The following UBE2G2 variants were observed in gnomAD, a reference collection of about 807,000 sequenced individuals.
UBE2G2 encodes the protein ubiquitin-conjugating enzyme E2 G2.
UBE2G2 carries 10 observed loss-of-function variants against 23.0 expected under a neutral mutation model. That is an observed-to-expected ratio of 0.43 (90% CI 0.27 to 0.74). The LOEUF (loss-of-function observed/expected upper bound fraction) is 0.74. UBE2G2 is among the 30% of genes least tolerant of loss of function. The pLI, the probability that UBE2G2 is intolerant of heterozygous loss-of-function variation, is 0.19. For missense variants in UBE2G2, 150 were observed against 218.3 expected, an observed-to-expected ratio of 0.69 and a Z score of 1.97; for synonymous variants, 86 against 81.3, an observed-to-expected ratio of 1.06 and a Z score of -0.31.
intron 4 of UBE2G2, chr21:44,775,004 C>A (rs1356294735): frequency 4.5e-5 from 13 of 291,434 alleles, no homozygotes; most frequent in Non-Finnish European, 4.0e-5. Context: ...GAGGGCCTGC[C>A]TGGCTTCCTC....
intron 3 of UBE2G2, among the ~76,000 whole-genome samples, chr21:44,784,579 G>A (rs1555961726): frequency 6.6e-6 from 1 of 152,092 alleles, no homozygotes; most frequent in East Asian, 1.9e-4. Context: ...GCCAAGAGAT[G>A]CCCTGTGACA....
chr21:44,787,975 G>A lies in UBE2G2; in HGVS notation c.80-10C>T, dbSNP rs1555962350. 3.7e-6 allele frequency: 6 copies of A among 1,612,336 alleles called. No homozygotes were observed. Among genetic ancestry groups the A allele is most frequent in the Non-Finnish European group, 4.2e-6 (5 of 1,179,534 alleles). ...TCTTCATTCATGGGGCCTGTAGGGTGAGAAAAAATTTCACAACATTTTAAC... is the reference window on the plus strand; with the variant it reads ...TCTTCATTCATGGGGCCTGTAGGGTAAGAAAAAATTTCACAACATTTTAAC... On this transcript the variant is annotated splice_polypyrimidine_tract_variant and intron_variant, in intron 2 of 5. Coordinates refer to ENST00000345496, the MANE Select transcript of UBE2G2 (RefSeq NM_003343.6).
chr21:44,792,260 G>C (rs2083051659), intron 1 of UBE2G2, among the ~76,000 whole-genome samples: 1 of 152,154 alleles, frequency 6.6e-6, no homozygotes. Context: ...GATTTGTTTT[G>C]AAATGGAATG....
intron 1 of UBE2G2, chr21:44,800,769 T>G (rs983527514): frequency 2.8e-4 from 43 of 152,252 alleles, no homozygotes; most frequent in African/African-American, 8.4e-4. Flanking sequence ...TTTCTCACAT[T>G]CATTCTTTTA....
chr21:44,774,653 C>A (rs1413823678), intron 4 of UBE2G2: 1 of 452,166 alleles, frequency 2.2e-6, no homozygotes, highest in East Asian at 7.1e-5. Context: ...GGTGAACGCT[C>A]TACTATCCAG....
chr21:44,788,417 G>A (rs1300598474), intron 1 of UBE2G2, among the ~76,000 whole-genome samples: 2 of 150,594 alleles, frequency 1.3e-5, no homozygotes, highest in Non-Finnish European at 3.0e-5. Flanking sequence ...AGCCTCCCAA[G>A]TAGCTGGGAC....
At chr21:44,773,067 C>T (rs1260738378) in intron 5 of UBE2G2, among the ~76,000 whole-genome samples, 3 of 152,170 alleles carry the variant, frequency 2.0e-5, no homozygotes, top group Middle Eastern at 3.2e-3. Flanking sequence ...CCTCCTACCT[C>T]ATCAACACCT....
intron 1 of UBE2G2, among the ~76,000 whole-genome samples, chr21:44,796,407 T>G (rs1390991478): frequency 6.6e-6 from 1 of 152,150 alleles, no homozygotes; most frequent in Non-Finnish European, 1.5e-5. Flanking sequence ...CTAACCAAAT[T>G]TATCTAAACC....
At chr21:44,773,708 C>T in intron 4 of UBE2G2, 21 bp from the exon 5 acceptor site, 2 of 1,608,202 alleles carry the variant, frequency 1.2e-6, no homozygotes, top group Non-Finnish European at 1.7e-6. Flanking sequence ...CAGAGGCAGC[C>T]AAGTGAGCCC....
intron 1 of UBE2G2, among the ~76,000 whole-genome samples, chr21:44,798,263 C>G (rs560005991): frequency 6.6e-6 from 1 of 152,212 alleles, no homozygotes; most frequent in African/African-American, 2.4e-5. Flanking sequence ...ATCTTTTTGC[C>G]GGTGCAGTCT....
intron 3 of UBE2G2, among the ~76,000 whole-genome samples, chr21:44,777,924 A>G (rs1555960804): frequency 6.6e-6 from 1 of 152,248 alleles, no homozygotes; most frequent in African/African-American, 2.4e-5. Context: ...TCCAGTTTCA[A>G]TCTGGTCTAA....
intron 3 of UBE2G2, among the ~76,000 whole-genome samples, chr21:44,779,651 A>T (rs1370591592): frequency 6.6e-6 from 1 of 152,230 alleles, no homozygotes; most frequent in African/African-American, 2.4e-5. Context: ...CACACCATGT[A>T]TCAGAGTGAG....
intron 1 of UBE2G2, among the ~76,000 whole-genome samples, chr21:44,792,820 CAA>C (rs1427276580): frequency 6.6e-6 from 1 of 152,236 alleles, no homozygotes; most frequent in Non-Finnish European, 1.5e-5. Flanking sequence ...AGTGCTGTCA[CAA>C]GGGTGTGCTG....
At chr21:44,783,073 G>A (rs781850076) in intron 3 of UBE2G2, among the ~76,000 whole-genome samples, 15 of 152,124 alleles carry the variant, frequency 9.9e-5, no homozygotes, top group African/African-American at 2.7e-4. Flanking sequence ...AACTCTTAAC[G>A]TTCCATCAAC....
chr21:44,798,471 G>C (rs1555964226), intron 1 of UBE2G2, among the ~76,000 whole-genome samples: 2 of 152,232 alleles, frequency 1.3e-5, no homozygotes, highest in African/African-American at 4.8e-5. Flanking sequence ...CAAAACTGGA[G>C]TCAATACCCT....
chr21:44,796,598 C>T (rs1222224179), intron 1 of UBE2G2, among the ~76,000 whole-genome samples: 3 of 152,124 alleles, frequency 2.0e-5, no homozygotes, highest in African/African-American at 7.2e-5. Context: ...AACAAAGTCC[C>T]CTCAATAACA....
At chr21:44,799,913 A>G (rs2083121652) in intron 1 of UBE2G2, 1 of 152,234 alleles carries the variant, frequency 6.6e-6, no homozygotes, top group African/African-American at 2.4e-5. Flanking sequence ...CTGTACAGTT[A>G]CTATTGGCCT....
intron 4 of UBE2G2, among the ~76,000 whole-genome samples, chr21:44,776,354 C>T (rs1427538593): frequency 1.3e-5 from 2 of 151,942 alleles, no homozygotes; most frequent in African/African-American, 2.4e-5. Context: ...AAATTTCAAT[C>T]TGAAAAAAGA....
intron 3 of UBE2G2, among the ~76,000 whole-genome samples, chr21:44,782,119 T>C (rs1364150334): frequency 1.3e-5 from 2 of 152,120 alleles, no homozygotes; most frequent in African/African-American, 2.4e-5. Context: ...TACAGAAGTA[T>C]ATAAAATAAA....
Sources: allele counts gnomAD v4.1 joint callset (sites outside exome capture counted in the v4.1 genomes callset), GRCh38; gene constraint gnomAD v4.1.1; transcripts MANE v1.5; gene names NCBI Gene and HGNC (gene_info 2026-07-23, HGNC 2026-07-21).